Variants in TSHZ3 observed in about 807,000 individuals in gnomAD.
TSHZ3 encodes teashirt zinc finger homeobox 3.
TSHZ3 carries 10 observed loss-of-function variants against 64.5 expected under a neutral mutation model. That is an observed-to-expected ratio of 0.16 (90% CI 0.10 to 0.26). TSHZ3 has a LOEUF of 0.26. Among genes scored for constraint, TSHZ3 ranks in the 10% least tolerant of loss-of-function variants. The pLI is 1.00. For synonymous variants in TSHZ3, 608 were observed against 593.1 expected (o/e 1.03, Z -0.36); for missense variants, 1,242 against 1,421.7 (o/e 0.87, Z 2.03).
Position 31,276,856 on chromosome 19 carries a change from G to A in TSHZ3, c.2937C>T (p.Asn979=), listed in dbSNP as rs548221685. The change falls in exon 2 of 2, where the codon AAC becomes AAT. Residue 979 remains asparagine (N), a synonymous_variant. Transcript: ENST00000240587. Reference sequence around the variant, plus strand: ...GAGTCCTGATTTGGGACGCACAATCGTTACAAAAGAAGACGGGGTGGCCAG... The same window carrying A: ...GAGTCCTGATTTGGGACGCACAATCATTACAAAAGAAGACGGGGTGGCCAG... ...LDTGHPVFFC[N]DCASQIRTPS... is the part of the protein sequence containing the mutation. 114 of 1,614,224 alleles carry A rather than the reference G, an allele frequency of 7.1e-5. No individual in the cohort carries two copies. The highest frequency in any genetic ancestry group is 1.6e-4 in the East Asian group (7 of 44,884).
At chr19:31,225,581 T>C (rs999614505) in intron 4 of TSHZ3, among the ~76,000 whole-genome samples, 2 of 152,214 alleles carry the variant, frequency 1.3e-5, no homozygotes, top group Admixed American at 6.5e-5. Flanking sequence ...CTTTCTTGCA[T>C]GACAGAATCT....
intron 1 of TSHZ3, among the ~76,000 whole-genome samples, chr19:31,321,824 G>A (rs1916781052): frequency 6.6e-6 from 1 of 151,618 alleles, no homozygotes; most frequent in Non-Finnish European, 1.5e-5. Flanking sequence ...CCTTGAAGAT[G>A]TTTTTTCTTT....
At chr19:31,173,990 C>T (rs1301328780) in intron 5 of TSHZ3, among the ~76,000 whole-genome samples, 3 of 152,192 alleles carry the variant, frequency 2.0e-5, no homozygotes, top group African/African-American at 7.2e-5. Context: ...ATCACTTGAA[C>T]CCAGGAGGTG....
At chr19:31,350,121 G>T (rs1350531903), upstream of TSHZ3, among the ~76,000 whole-genome samples, 1 of 87,200 alleles carries the variant, frequency 1.1e-5, no homozygotes, top group Non-Finnish European at 2.2e-5. Context: ...CTCTCCACCC[G>T]CCGACTCCGG....
At chr19:31,166,873 T>C (rs774739237) in intron 5 of TSHZ3, among the ~76,000 whole-genome samples, 6 of 152,216 alleles carry the variant, frequency 3.9e-5, no homozygotes, top group Non-Finnish European at 7.3e-5. Context: ...ACTTGAGATA[T>C]ATATTTTCAA....
chr19:31,184,943 C>A (rs1392273002), intron 5 of TSHZ3, among the ~76,000 whole-genome samples: 1 of 152,130 alleles, frequency 6.6e-6, no homozygotes, highest in East Asian at 1.9e-4. Flanking sequence ...TTTATTTTTC[C>A]CCCCAAGGGG....
At chr19:31,322,984 T>C (rs547475147) in intron 1 of TSHZ3, among the ~76,000 whole-genome samples, 1 of 152,352 alleles carries the variant, frequency 6.6e-6, no homozygotes, top group East Asian at 1.9e-4. Flanking sequence ...TAAAAACCCT[T>C]ACATTTTGGA....
intron 5 of TSHZ3, among the ~76,000 whole-genome samples, chr19:31,161,302 C>T (rs1599553603): frequency 6.6e-6 from 1 of 152,128 alleles, no homozygotes; most frequent in African/African-American, 2.4e-5. Flanking sequence ...AAGGAGCACA[C>T]ACAACTAGAA....
chr19:31,175,858 C>T (rs1568337589), intron 5 of TSHZ3, among the ~76,000 whole-genome samples: 1 of 152,228 alleles, frequency 6.6e-6, no homozygotes, highest in South Asian at 2.1e-4. Context: ...CTGGCATCAG[C>T]CTTTACTTAG....
At chr19:31,254,349 G>A (rs1314746562) in intron 1 of TSHZ3, among the ~76,000 whole-genome samples, 1 of 152,220 alleles carries the variant, frequency 6.6e-6, no homozygotes, top group Non-Finnish European at 1.5e-5. Flanking sequence ...GCCTGCAGAG[G>A]AGGCAGGAGT....
chr19:31,324,029 C>T (rs1484990087), intron 1 of TSHZ3, among the ~76,000 whole-genome samples: 1 of 152,054 alleles, frequency 6.6e-6, no homozygotes, highest in African/African-American at 2.4e-5. Flanking sequence ...ATCTTCACAA[C>T]CAAAAGCAGG....
At chr19:31,195,931 G>A (rs1974984907) in intron 5 of TSHZ3, among the ~76,000 whole-genome samples, 2 of 151,928 alleles carry the variant, frequency 1.3e-5, no homozygotes, top group South Asian at 4.1e-4. Context: ...ACATCATAGT[G>A]TGTACTTATA....
At position 31,278,460 on chromosome 19, in the gene TSHZ3, C is replaced by T. The variant is rs139342269; in HGVS notation, c.1333G>A (p.Val445Met). ...TTLLDEKVQS[V>M]PLAATTFTSP... is the part of the protein sequence containing the mutation. ...GTGAAGGTGGTGGCTGCCAGGGGCA[C>T]GGACTGGACCTTCTCATCCAGCAGG... The change falls in exon 2 of 2, where the codon GTG becomes ATG. Residue 445 changes from valine (V) to methionine (M), a missense_variant. Val to Met is a conservative substitution (Grantham distance 21). Transcript: ENST00000240587. This position sits in a 1 kb window ranked among gnomAD's most constrained non-coding sequence, Gnocchi z 4.7. The T allele has an allele frequency of 1.7e-3, 2,687 of 1,614,098 alleles. 1 individual carries two copies. Among genetic ancestry groups the T allele is most frequent in the Non-Finnish European group, 2.1e-3 (2,526 of 1,180,014 alleles).
intron 1 of TSHZ3, among the ~76,000 whole-genome samples, chr19:31,282,716 C>T (rs982848547): frequency 6.6e-6 from 1 of 152,202 alleles, no homozygotes; most frequent in African/African-American, 2.4e-5. Flanking sequence ...TGTCATCAGT[C>T]TGATGACTGA....
downstream of TSHZ3, among the ~76,000 whole-genome samples, chr19:31,272,091 A>ATGAC (rs1976150288): frequency 6.6e-6 from 1 of 152,198 alleles, no homozygotes; most frequent in East Asian, 1.9e-4. Flanking sequence ...TTTTTATTAG[A>ATGAC]TGACTTGGAA....
chr19:31,325,151 G>A (rs1916896915), intron 1 of TSHZ3, among the ~76,000 whole-genome samples: 1 of 152,192 alleles, frequency 6.6e-6, no homozygotes, highest in Non-Finnish European at 1.5e-5. Context: ...CTTGGCCGTT[G>A]GGCTCTCTGA....
At chr19:31,154,391 C>T (rs541230255) in intron 6 of TSHZ3, among the ~76,000 whole-genome samples, 1 of 152,278 alleles carries the variant, frequency 6.6e-6, no homozygotes, top group South Asian at 2.1e-4. Flanking sequence ...CCCAAATGAC[C>T]AAGATAGATA....
chr19:31,229,041 A>C (rs1391368062), intron 3 of TSHZ3, among the ~76,000 whole-genome samples: 1 of 152,154 alleles, frequency 6.6e-6, no homozygotes, highest in Non-Finnish European at 1.5e-5. Context: ...TTTAGAAGGG[A>C]GTTTTATAGA....
intron 4 of TSHZ3, among the ~76,000 whole-genome samples, chr19:31,205,366 C>A (rs1212334473): frequency 6.6e-6 from 1 of 152,120 alleles, no homozygotes; most frequent in East Asian, 1.9e-4. Flanking sequence ...CTTTTTTATT[C>A]CATTATGGAC....
Sources: gnomAD v4.1 joint callset for allele counts (sites outside exome capture counted in the v4.1 genomes callset) on GRCh38, gnomAD v4.1.1 for gene constraint, Gnocchi (gnomAD v3.1) non-coding constraint, MANE v1.5 for transcripts, NCBI Gene and HGNC (gene_info 2026-07-23, HGNC 2026-07-21) for gene names.